The following BNC2 variants were observed in gnomAD, a reference collection of about 807,000 sequenced individuals.
BNC2 encodes the protein basonuclin zinc finger protein 2.
In BNC2, 20 loss-of-function variants were observed where a neutral mutation model predicts 76.3. The ratio of observed to expected loss-of-function variants is 0.26; its 90% CI spans 0.18 to 0.38. The LOEUF is 0.38. Ranked by LOEUF, BNC2 falls within the 10% of genes least tolerant of loss-of-function variation. BNC2 has a pLI of 1.00. For synonymous variants in BNC2, 582 were observed against 514.8 expected (o/e 1.13, Z -1.77); for missense variants, 1,382 against 1,399.8 (o/e 0.99, Z 0.20).
chr9:16,441,112 C>G (rs1244735811), intron 5 of BNC2, among the ~76,000 whole-genome samples: 2 of 152,014 alleles, frequency 1.3e-5, no homozygotes, highest in Non-Finnish European at 2.9e-5. Flanking sequence ...ATGGCTTAAG[C>G]CCTAGGCAAC....
chr9:16,825,530 C>G (rs1276265917), intron 1 of BNC2, among the ~76,000 whole-genome samples: 1 of 152,050 alleles, frequency 6.6e-6, no homozygotes, highest in Non-Finnish European at 1.5e-5. Context: ...CTTCCTGCCT[C>G]TAAACTGCTT....
At chr9:16,785,344 G>T (rs1447251454) in intron 1 of BNC2, among the ~76,000 whole-genome samples, 1 of 152,136 alleles carries the variant, frequency 6.6e-6, no homozygotes, top group Admixed American at 6.5e-5. Flanking sequence ...AGGCCACGGG[G>T]AAAGTAAGGG....
intron 1 of BNC2, among the ~76,000 whole-genome samples, chr9:16,784,828 C>CA (rs1826240732): frequency 6.6e-6 from 1 of 152,156 alleles, no homozygotes; most frequent in African/African-American, 2.4e-5. Context: ...AACTGCGGAG[C>CA]AATAATAATG....
At chr9:16,768,239 T>C (rs977642158) in intron 1 of BNC2, among the ~76,000 whole-genome samples, 1 of 152,112 alleles carries the variant, frequency 6.6e-6, no homozygotes, top group African/African-American at 2.4e-5. Flanking sequence ...GTGCTAGGAT[T>C]ACAGGCGTGA....
chr9:16,819,240 A>T (rs1445458822), intron 1 of BNC2, among the ~76,000 whole-genome samples: 2 of 152,386 alleles, frequency 1.3e-5, no homozygotes, highest in East Asian at 3.9e-4. Flanking sequence ...CAGGTATAAG[A>T]TTATGGTGTA....
intron 5 of BNC2, among the ~76,000 whole-genome samples, chr9:16,533,500 T>C (rs1014334234): frequency 6.6e-6 from 1 of 152,190 alleles, no homozygotes; most frequent in Non-Finnish European, 1.5e-5. Flanking sequence ...CTTATAGATA[T>C]TAAAATGTAA....
rs370487910 is a variant in BNC2, at chr9:16,632,383, C to T, written c.331-49298G>A. ...GCACAAACAAAAAAACTGGCATAGC[C>T]TTGTACATCTTCTGGAGTCTGATGG... On this transcript the variant is annotated intron_variant, in intron 3 of 6. Transcript: ENST00000380672. 3.3e-5 allele frequency among the ~76,000 whole-genome samples: 5 copies of T among 151,868 alleles called. No homozygotes were observed. In the East Asian group the frequency reaches 5.8e-4, roughly 18 times the overall value.
At chr9:16,465,357 A>G (rs551586589) in intron 5 of BNC2, among the ~76,000 whole-genome samples, 2 of 145,796 alleles carry the variant, frequency 1.4e-5, no homozygotes, top group African/African-American at 5.0e-5. Flanking sequence ...AATCGCTTGA[A>G]CCCAAAAGGC....
At chr9:16,673,445 C>A (rs113347552) in intron 3 of BNC2, among the ~76,000 whole-genome samples, 2,666 of 124,768 alleles carry the variant, frequency 0.021, 96 homozygotes, top group African/African-American at 0.071. Context: ...AAAAAAAAAA[C>A]ACACACACAC....
intron 3 of BNC2, among the ~76,000 whole-genome samples, chr9:16,706,601 A>G (rs2134661656): frequency 6.6e-6 from 1 of 152,342 alleles, no homozygotes; most frequent in East Asian, 1.9e-4. Flanking sequence ...TGTCTTCTTT[A>G]GAGTAATTTT....
rs1236428891 is a variant in BNC2, at chr9:16,415,444, C to T, written c.*3545G>A. On this transcript the variant is annotated 3_prime_UTR_variant, in exon 7 of 7. Transcript: ENST00000380672. The stretch of plus-strand genomic sequence containing the variant: ...GATAAACTCTGGCTAAAACCAATCA[C>T]ATGGGGAAAAGCTTGTCGGATGAAC... 1 of 152,652 alleles carries T rather than the reference C, an allele frequency of 6.6e-6. No homozygotes were observed. Among genetic ancestry groups the T allele is most frequent in the Non-Finnish European group, 1.5e-5 (1 of 68,040 alleles). 9.5% of individuals were successfully genotyped at this position (152,652 alleles called of 1,614,324 possible).
At position 16,419,647 on chromosome 9, in the gene BNC2, T is replaced by G; in HGVS notation, c.2642A>C (p.His881Pro). The G allele has an allele frequency of 7.8e-7, 1 of 1,278,792 alleles. No homozygotes were observed. Among genetic ancestry groups the G allele is most frequent in the Non-Finnish European group, 1.0e-6 (1 of 967,186 alleles). The allele number at this position is 1,278,792 out of a possible 1,614,324, so 79.2% of individuals were successfully genotyped here. A position where few individuals can be genotyped will look rare whatever the true frequency, so the allele number is the denominator to read the frequency against. ...AFPSRRSRDR[H>P]SANINLHRKL... is the part of the protein sequence containing the mutation. ...ACGATGTAGGTTTATGTTGGCACTG[T>G]GTCTAGGAAAACAAGAGGGAAGGGG... Residue 881 changes from histidine to proline, a missense_variant and splice_region_variant, in exon 7 of 7, where the codon CAC (histidine) becomes CCC (proline). Around this residue, in one of 3 missense-constraint regions of BNC2, gnomAD observed 798 missense variants for 775.5 expected, o/e 1.03. Transcript: ENST00000380672.
intron 1 of BNC2, among the ~76,000 whole-genome samples, chr9:16,852,465 A>G (rs1366097973): frequency 6.6e-6 from 1 of 152,254 alleles, no homozygotes; most frequent in Non-Finnish European, 1.5e-5. Flanking sequence ...GTTCATATTC[A>G]CAAGGACAAT....
rs1173643481 is a variant in BNC2, at chr9:16,436,437, G to A, written c.1757C>T (p.Pro586Leu). ...GATGGGACTGGTTGGGAGGGAGGTT[G>A]GAGGACTCACCATTTCCCCTGGAGT... ...LLTPGEMVSP[P>L]TSLPTSPIIP... Residue 586 changes from proline to leucine, a missense_variant, in exon 6 of 7, where the codon CCA (proline) becomes CTA (leucine). Around this residue, in one of 3 missense-constraint regions of BNC2, gnomAD observed 798 missense variants for 775.5 expected, o/e 1.03. Transcript: ENST00000380672. 3 of 1,614,078 alleles carry A rather than the reference G, an allele frequency of 1.9e-6. No individual in the cohort carries two copies. The highest frequency in any genetic ancestry group is 3.3e-5 in the Admixed American group (2 of 60,004).
At chr9:16,455,474 T>C (rs562868301) in intron 5 of BNC2, among the ~76,000 whole-genome samples, 1 of 152,152 alleles carries the variant, frequency 6.6e-6, no homozygotes, top group Non-Finnish European at 1.5e-5. Flanking sequence ...ACAATGTTAA[T>C]GAATGGATAT....
chr9:16,679,210 G>A (rs113775069), intron 3 of BNC2, among the ~76,000 whole-genome samples: 2,464 of 152,086 alleles, frequency 0.016, 33 homozygotes, highest in African/African-American at 0.051. Flanking sequence ...GCTTCTTTCT[G>A]CCCATCCACC....
At chr9:16,426,939 C>T (rs1820813750) in intron 6 of BNC2, among the ~76,000 whole-genome samples, 1 of 152,148 alleles carries the variant, frequency 6.6e-6, no homozygotes, top group African/African-American at 2.4e-5. Context: ...CCATATAGCA[C>T]TGAACTTTTT....
At chr9:16,651,778 ACT>A (rs1821800744) in intron 3 of BNC2, among the ~76,000 whole-genome samples, 3 of 152,232 alleles carry the variant, frequency 2.0e-5, no homozygotes, top group Admixed American at 1.3e-4. Context: ...CAAACATGAT[ACT>A]AACAAGGCAA....
chr9:16,611,217 A>G (rs1200238801), intron 3 of BNC2, among the ~76,000 whole-genome samples: 1 of 152,226 alleles, frequency 6.6e-6, no homozygotes, highest in East Asian at 1.9e-4. Context: ...AACACAAAGG[A>G]AAGGCGCTAT....
Sources: gnomAD v4.1 joint callset for allele counts (sites outside exome capture counted in the v4.1 genomes callset) on GRCh38, gnomAD v4.1.1 for gene constraint, gnomAD v4.1.1 regional missense constraint, MANE v1.5 for transcripts, NCBI Gene and HGNC (gene_info 2026-07-23, HGNC 2026-07-21) for gene names.